EXOC6: variants seen among roughly 807,000 people sequenced by gnomAD.
The protein encoded by EXOC6 is SEC15-like 1.
In EXOC6, 60 loss-of-function variants were observed where a neutral mutation model predicts 112.5. The ratio of observed to expected loss-of-function variants is 0.53; its 90% confidence interval spans 0.43 to 0.66. EXOC6 has a LOEUF of 0.66. Among genes scored for constraint, EXOC6 ranks in the 30% least tolerant of loss-of-function variants. The pLI is 0.00. For synonymous variants in EXOC6, 295 were observed against 308.0 expected, an observed-to-expected ratio of 0.96 and a Z score of 0.44; for missense variants, 855 against 957.1, an observed-to-expected ratio of 0.89 and a Z score of 1.41.
chr10:92,884,262 C>T (rs1367149003), intron 1 of EXOC6, among the ~76,000 whole-genome samples: 1 of 152,202 alleles, frequency 6.6e-6, no homozygotes, highest in African/African-American at 2.4e-5. Context: ...TCAGTTGACA[C>T]AAGCAGTGTC....
chr10:92,879,441 T>C lies in EXOC6; in HGVS notation c.102-13908T>C, dbSNP rs541382841. Among the ~76,000 whole-genome samples, 4 of 152,274 alleles carry C rather than the reference T, an allele frequency of 2.6e-5. No individual in the cohort carries two copies. The South Asian group carries it at 8.3e-4, about 32-fold the overall frequency. On this transcript the variant is annotated intron_variant, in intron 1 of 21. Coordinates refer to ENST00000260762, the MANE Select transcript of EXOC6 (RefSeq NM_019053.6). Reference sequence around the variant, plus strand: ...GTGATCACACCACTGCACTCCAGCCTGGGAAACAGAGTGAGACTCTGTCTC... The same window carrying C: ...GTGATCACACCACTGCACTCCAGCCCGGGAAACAGAGTGAGACTCTGTCTC...
At chr10:92,886,074 TA>T (rs1400124869) in intron 1 of EXOC6, among the ~76,000 whole-genome samples, 4 of 152,186 alleles carry the variant, frequency 2.6e-5, no homozygotes, top group Non-Finnish European at 5.9e-5. Flanking sequence ...TTATTTTTGT[TA>T]AAATTGTTTA....
intron 18 of EXOC6, among the ~76,000 whole-genome samples, chr10:92,978,218 T>C (rs899317127): frequency 6.6e-6 from 1 of 152,154 alleles, no homozygotes. Context: ...GAGACTAGTC[T>C]GGGCAACATG....
intron 6 of EXOC6, among the ~76,000 whole-genome samples, chr10:92,910,776 A>G (rs1316745567): frequency 6.6e-6 from 1 of 152,096 alleles, no homozygotes; most frequent in Non-Finnish European, 1.5e-5. Flanking sequence ...AAAAATACAA[A>G]AAATTAGCCA....
intron 20 of EXOC6, among the ~76,000 whole-genome samples, chr10:93,056,237 T>G (rs1440263183): frequency 6.6e-6 from 1 of 152,178 alleles, no homozygotes; most frequent in Non-Finnish European, 1.5e-5. Context: ...TGATTCTAAC[T>G]GGAGATTATA....
At position 92,848,548 on chromosome 10, in the gene EXOC6, C is replaced by T. The variant is rs779118567; in HGVS notation, c.15C>T (p.Ser5=). 5.8e-5 allele frequency: 83 copies of T among 1,425,196 alleles called. No homozygotes were observed. The highest frequency in any genetic ancestry group is 1.4e-4 in the East Asian group (4 of 28,350). The allele number at this position is 1,425,196 out of a possible 1,614,324, so 88.3% of individuals were successfully genotyped here. MAEN[S]ESLGTVPEHE... ...TTCCAGCCAAAATGGCGGAGAACAG[C>T]GAGAGTCTGGGCACCGTCCCCGAGC... Residue 5 remains serine (S), a synonymous_variant, in exon 1 of 22, where the codon AGC becomes AGT. Coordinates refer to ENST00000260762, the MANE Select transcript of EXOC6 (RefSeq NM_019053.6).
chr10:92,855,410 G>A (rs1025965349), intron 1 of EXOC6, among the ~76,000 whole-genome samples: 3 of 151,982 alleles, frequency 2.0e-5, no homozygotes, highest in African/African-American at 7.3e-5. Flanking sequence ...TTGGTATCAG[G>A]GTAATGCTGG....
Position 92,909,467 on chromosome 10 carries a change from G to A in EXOC6, c.499G>A (p.Val167Met), listed in dbSNP as rs1484090434. 1.9e-6 allele frequency: 3 copies of A among 1,613,372 alleles called. No individual in the cohort carries two copies. The highest frequency in any genetic ancestry group is 2.2e-5 in the East Asian group (1 of 44,788). ...AAAAACTATGGAACAATTAGAGAAT[G>A]TGTACTTTCCCTGGGTTAGTCAATA... is the stretch of plus-strand genomic sequence containing the variant. Reference protein sequence around the residue: ...ALKTMEQLENVYFPWVSQYRF... With the variant: ...ALKTMEQLENMYFPWVSQYRF... Residue 167 changes from valine to methionine, a missense_variant, in exon 6 of 22, where the codon GTG (valine) becomes ATG (methionine). Physicochemically the swap from Val to Met is conservative, Grantham distance 21 (BLOSUM62 1). This residue lies in a region of EXOC6 where 405 missense variants were observed against 393.6 expected (regional missense o/e 1.03). Coordinates refer to ENST00000260762, the MANE Select transcript of EXOC6 (RefSeq NM_019053.6).
intron 8 of EXOC6, among the ~76,000 whole-genome samples, chr10:92,926,446 G>C (rs1851725477): frequency 6.6e-6 from 1 of 151,486 alleles, no homozygotes; most frequent in African/African-American, 2.4e-5. Context: ...ATGTGTTCAT[G>C]TATCTCTCTA....
At chr10:93,031,982 T>TAGCC (rs1397804015) in intron 20 of EXOC6, among the ~76,000 whole-genome samples, 2 of 152,224 alleles carry the variant, frequency 1.3e-5, no homozygotes, top group Non-Finnish European at 2.9e-5. Flanking sequence ...AAGCAACCAT[T>TAGCC]AGCCATAGGC....
At chr10:92,926,125 G>GA (rs949997360) in intron 8 of EXOC6, among the ~76,000 whole-genome samples, 4 of 150,306 alleles carry the variant, frequency 2.7e-5, no homozygotes, top group African/African-American at 7.3e-5. Flanking sequence ...ATTAATGGGG[G>GA]AAAAAAAAGT....
chr10:92,849,092 G>A (rs1436066568), intron 1 of EXOC6, among the ~76,000 whole-genome samples: 2 of 152,160 alleles, frequency 1.3e-5, no homozygotes, highest in East Asian at 3.9e-4. Flanking sequence ...CGGGTGGAAA[G>A]CCTGGCGCGC....
At chr10:92,993,280 T>C (rs1843346259) in intron 18 of EXOC6, among the ~76,000 whole-genome samples, 1 of 152,136 alleles carries the variant, frequency 6.6e-6, no homozygotes, top group South Asian at 2.1e-4. Context: ...AAGTAGTTTA[T>C]TGTACAAAGT....
At chr10:92,978,419 A>G (rs1589963380) in intron 18 of EXOC6, among the ~76,000 whole-genome samples, 1 of 151,956 alleles carries the variant, frequency 6.6e-6, no homozygotes, top group Non-Finnish European at 1.5e-5. Flanking sequence ...AAAAAAAAAC[A>G]AAAGAGAAAA....
chr10:92,956,857 C>T (rs902501001), intron 17 of EXOC6, among the ~76,000 whole-genome samples: 7 of 151,936 alleles, frequency 4.6e-5, no homozygotes, highest in Non-Finnish European at 7.4e-5. Context: ...GTTTCTTTAT[C>T]TATAAAATTA....
rs1849075745 is a variant in EXOC6 at position 92,883,784 on chromosome 10, G to A, written c.102-9565G>A. Among the ~76,000 whole-genome samples the A allele has an allele frequency of 2.0e-5, 3 of 152,306 alleles. No individual in the cohort carries two copies. The South Asian group carries it at 6.2e-4, about 32-fold the overall frequency. On this transcript the variant is annotated intron_variant, in intron 1 of 21. Coordinates refer to ENST00000260762, the MANE Select transcript of EXOC6 (RefSeq NM_019053.6). ...AAAAACTGGCAGAAAATAGGTTAGTGTTTGAAAAGGTATAAAATGACATTA... is the reference window on the plus strand; with the variant it reads ...AAAAACTGGCAGAAAATAGGTTAGTATTTGAAAAGGTATAAAATGACATTA...
intron 1 of EXOC6, among the ~76,000 whole-genome samples, chr10:92,856,445 T>G (rs1847605952): frequency 6.6e-6 from 1 of 152,188 alleles, no homozygotes; most frequent in African/African-American, 2.4e-5. Context: ...TATTATTTCC[T>G]CTTTCACTGG....
chr10:93,053,078 A>G (rs559951901), intron 20 of EXOC6, among the ~76,000 whole-genome samples: 201 of 152,212 alleles, frequency 1.3e-3, no homozygotes, highest in Non-Finnish European at 1.5e-3. Flanking sequence ...GTGAAGCCTA[A>G]CCAATTGTGA....
At chr10:92,955,966 G>A (rs890375148) in intron 17 of EXOC6, among the ~76,000 whole-genome samples, 3 of 152,054 alleles carry the variant, frequency 2.0e-5, no homozygotes, top group Admixed American at 6.5e-5. Flanking sequence ...ATTTATAGTA[G>A]TGCTGACTAG....
Sources: allele counts gnomAD v4.1 joint callset (sites outside exome capture counted in the v4.1 genomes callset), GRCh38; gene constraint gnomAD v4.1.1; regional missense constraint gnomAD v4.1.1; transcripts MANE v1.5; gene names NCBI Gene and HGNC (gene_info 2026-07-23, HGNC 2026-07-21).